The following PRKN variants were observed in gnomAD, a reference collection of about 807,000 sequenced individuals.
The protein encoded by PRKN is E3 ubiquitin-protein ligase parkin.
In PRKN, 56 loss-of-function variants were observed where a neutral mutation model predicts 59.5. The ratio of observed to expected loss-of-function variants is 0.94; its 90% CI spans 0.76 to 1.18. PRKN has a LOEUF of 1.18. Ranked by LOEUF, PRKN falls within the 50% of genes most tolerant of loss-of-function variation. The pLI is 0.00. For synonymous variants in PRKN, 250 were observed against 222.1 expected (o/e 1.13, Z -1.12); for missense variants, 657 against 596.4 (o/e 1.10, Z -1.06).
chr6:161,678,473 G>T (rs1785173778), intron 7 of PRKN, among the ~76,000 whole-genome samples: 1 of 151,204 alleles, frequency 6.6e-6, no homozygotes, highest in African/African-American at 2.4e-5. Context: ...ATCAGAAATG[G>T]TCATGTATCC....
intron 4 of PRKN, among the ~76,000 whole-genome samples, chr6:162,163,859 G>A (rs1230938392): frequency 6.7e-6 from 1 of 149,000 alleles, no homozygotes; most frequent in Non-Finnish European, 1.5e-5. Flanking sequence ...CAGGAATTAG[G>A]CTCCACGTTC....
rs1302492983 is a variant in PRKN at position 161,471,852 on chromosome 6, C to T, written c.1083+77002G>A. Among the ~76,000 whole-genome samples, 1 of 152,006 alleles carries T rather than the reference C, an allele frequency of 6.6e-6. No homozygotes were observed. The highest frequency in any genetic ancestry group is 1.5e-5 in the Non-Finnish European group (1 of 67,996). On this transcript the variant is annotated intron_variant, in intron 9 of 11. Coordinates refer to ENST00000366898, the MANE Select transcript of PRKN (RefSeq NM_004562.3). This position sits in a 1 kb window ranked among gnomAD's most constrained non-coding sequence, Gnocchi z 4.5. ...AAGATTAAATTAATCTAAGGTAACA[C>T]TAATAGAAAAATACAGCATAAACTG...
In PRKN at chr6:161,360,601, T is replaced by C. The variant is rs895784992; in HGVS notation, c.1168-396A>G. Among the ~76,000 whole-genome samples, 1 of 152,248 alleles carries C rather than the reference T, an allele frequency of 6.6e-6. No homozygotes were observed. Among genetic ancestry groups the C allele is most frequent in the Admixed American group, 6.5e-5 (1 of 15,288 alleles). ...TTTTTATTCCACATTGAGGATTCGA[T>C]GGGTGAAAACATGGCCCAAAGCTGG... On this transcript the variant is annotated intron_variant, in intron 10 of 11. Transcript: ENST00000366898. This position sits in a 1 kb window ranked among gnomAD's most constrained non-coding sequence, Gnocchi z 5.1.
At chr6:161,613,660 C>G (rs1782568462) in intron 7 of PRKN, among the ~76,000 whole-genome samples, 1 of 152,122 alleles carries the variant, frequency 6.6e-6, no homozygotes, top group Admixed American at 6.5e-5. Context: ...CAGCCGCAAC[C>G]CTGATCAGTC....
chr6:161,767,204 C>T (rs1789459152), intron 7 of PRKN, among the ~76,000 whole-genome samples: 1 of 152,202 alleles, frequency 6.6e-6, no homozygotes. Context: ...AAGACAAACT[C>T]AGCATTTCCC....
chr6:161,419,763 T>C lies in PRKN; in HGVS notation c.1084-32886A>G, dbSNP rs574138165. ...TTCTAGCCAGGCCGGAGTTCAGTTC[T>C]AGTCCTCCTACTTCCGACTGATAGT... On this transcript the variant is annotated intron_variant, in intron 9 of 11. Coordinates refer to ENST00000366898, the MANE Select transcript of PRKN (RefSeq NM_004562.3). The surrounding 1 kb of genome is among the most constrained non-coding windows in gnomAD (Gnocchi z 4.1). 3.3e-5 allele frequency among the ~76,000 whole-genome samples: 5 copies of C among 152,198 alleles called. No individual in the cohort carries two copies. In the South Asian group the frequency reaches 6.2e-4, roughly 19 times the overall value.
chr6:162,215,082 T>C (rs1291045088), intron 3 of PRKN, among the ~76,000 whole-genome samples: 3 of 152,154 alleles, frequency 2.0e-5, no homozygotes, highest in Non-Finnish European at 4.4e-5. Flanking sequence ...TCTTACTTAA[T>C]TCCTCCATTT....
In PRKN at chr6:162,604,812, T is replaced by C. The variant is rs146750847; in HGVS notation, c.7+122850A>G. Reference sequence around the variant, plus strand: ...TCTTTCAGATCAATGGTGAAATTGATTTGAAACCCCACTATTTATCAGCCT... The same window carrying C: ...TCTTTCAGATCAATGGTGAAATTGACTTGAAACCCCACTATTTATCAGCCT... On this transcript the variant is annotated intron_variant, in intron 1 of 11. Coordinates refer to ENST00000366898, the MANE Select transcript of PRKN (RefSeq NM_004562.3). Among the ~76,000 whole-genome samples, 8 of 152,048 alleles carry C rather than the reference T, an allele frequency of 5.3e-5. No homozygotes were observed. The East Asian group carries it at 1.5e-3, about 29-fold the overall frequency.
At chr6:162,466,239 C>CT (rs1206605086) in intron 1 of PRKN, among the ~76,000 whole-genome samples, 1 of 152,160 alleles carries the variant, frequency 6.6e-6, no homozygotes, top group Non-Finnish European at 1.5e-5. Context: ...CATTGCCTTT[C>CT]TTTTTTTCCT....
At chr6:162,021,415 T>C (rs752580024) in intron 5 of PRKN, among the ~76,000 whole-genome samples, 3 of 144,372 alleles carry the variant, frequency 2.1e-5, no homozygotes, top group Non-Finnish European at 4.5e-5. Flanking sequence ...TCTCATACTT[T>C]TTGATGTCCC....
At chr6:162,451,061 A>G (rs914676806) in intron 1 of PRKN, among the ~76,000 whole-genome samples, 1 of 152,150 alleles carries the variant, frequency 6.6e-6, no homozygotes, top group Non-Finnish European at 1.5e-5. Context: ...CTAGATGGAG[A>G]TCAGACTTGC....
rs1779769707 is a variant in PRKN, at chr6:161,545,608, AC to A, written c.1083+3245del. On this transcript the variant is annotated intron_variant, in intron 9 of 11. Coordinates refer to ENST00000366898, the MANE Select transcript of PRKN (RefSeq NM_004562.3). This position sits in a 1 kb window ranked among gnomAD's most constrained non-coding sequence, Gnocchi z 4.1. Reference sequence around the variant, plus strand: ...GGCAGCTTACAAGGTTATACAAACCACAGCAAAACAACATGTATCAGGAAAA... The same window carrying A: ...GGCAGCTTACAAGGTTATACAAACCAAGCAAAACAACATGTATCAGGAAAA... 6.6e-6 allele frequency among the ~76,000 whole-genome samples: 1 copy of A among 152,252 alleles called. No homozygotes were observed. Among genetic ancestry groups the A allele is most frequent in the Non-Finnish European group, 1.5e-5 (1 of 68,042 alleles).
chr6:162,265,186 T>C (rs1780073358), intron 2 of PRKN: 1 of 152,206 alleles, frequency 6.6e-6, no homozygotes, highest in Admixed American at 6.5e-5. Context: ...GATTTGATTT[T>C]TCATCTTCCT....
chr6:162,277,090 G>A (rs569483454), intron 2 of PRKN, among the ~76,000 whole-genome samples: 4 of 152,128 alleles, frequency 2.6e-5, no homozygotes, highest in East Asian at 1.9e-4. Flanking sequence ...AAGAACTGTC[G>A]GCACAGACAA....
intron 4 of PRKN, among the ~76,000 whole-genome samples, chr6:162,173,142 G>A (rs2128320289): frequency 6.6e-6 from 1 of 152,226 alleles, no homozygotes; most frequent in East Asian, 1.9e-4. Context: ...ACAGGACATT[G>A]GCCATCCTCC....
chr6:161,711,906 G>T (rs1351475054), intron 7 of PRKN, among the ~76,000 whole-genome samples: 1 of 152,198 alleles, frequency 6.6e-6, no homozygotes, highest in African/African-American at 2.4e-5. Context: ...TTCAGCCACA[G>T]ACTGAAGGTT....
At chr6:161,747,251 T>A (rs1031032817) in intron 7 of PRKN, among the ~76,000 whole-genome samples, 2 of 152,212 alleles carry the variant, frequency 1.3e-5, no homozygotes, top group Admixed American at 6.5e-5. Context: ...TTGTCATCAA[T>A]GCCTCCTTCC....
Position 161,561,427 on chromosome 6 carries a change from C to CTCA in PRKN, c.933+7925_933+7927dup, listed in dbSNP as rs1780450455. 6.6e-6 allele frequency among the ~76,000 whole-genome samples: 1 copy of CTCA among 152,174 alleles called. No individual in the cohort carries two copies. Among genetic ancestry groups the CTCA allele is most frequent in the Non-Finnish European group, 1.5e-5 (1 of 68,032 alleles). On this transcript the variant is annotated intron_variant, in intron 8 of 11. Transcript: ENST00000366898. This position sits in a 1 kb window ranked among gnomAD's most constrained non-coding sequence, Gnocchi z 5.0. ...GAATCATGGCTGATGTCCTGATGTG[C>CTCA]TCAACAGATGTTTCCTAAGCACACT...
intron 3 of PRKN, among the ~76,000 whole-genome samples, chr6:162,245,488 A>G (rs2128093394): frequency 6.6e-6 from 1 of 151,840 alleles, no homozygotes; most frequent in East Asian, 1.9e-4. Context: ...TGTACATTTT[A>G]TATCTAATAT....
Sources: allele counts gnomAD v4.1 joint callset (sites outside exome capture counted in the v4.1 genomes callset), GRCh38; gene constraint gnomAD v4.1.1; non-coding constraint Gnocchi (gnomAD v3.1); transcripts MANE v1.5; gene names NCBI Gene and HGNC (gene_info 2026-07-23, HGNC 2026-07-21).